The following SUSD5 variants were observed in gnomAD, a reference collection of about 807,000 sequenced individuals.
The protein encoded by SUSD5 is sushi domain containing 5.
In SUSD5, 33 loss-of-function variants were observed where a neutral mutation model predicts 29.5. The observed-to-expected ratio is 1.12, with a 90% CI of 0.85 to 1.49. SUSD5 has a LOEUF of 1.49. Ranked by LOEUF, SUSD5 falls within the 40% of genes most tolerant of loss-of-function variation. SUSD5 has a pLI of 0.00. For synonymous variants in SUSD5, 308 were observed against 325.3 expected, an observed-to-expected ratio of 0.95 and a Z score of 0.57; for missense variants, 776 against 800.6, an observed-to-expected ratio of 0.97 and a Z score of 0.37.
chr3:33,207,523 G>A (rs986450863), intron 3 of SUSD5, among the ~76,000 whole-genome samples: 1 of 152,158 alleles, frequency 6.6e-6, no homozygotes, highest in Non-Finnish European at 1.5e-5. Context: ...GAAAAACTGT[G>A]GTTACATACA....
intron 3 of SUSD5, among the ~76,000 whole-genome samples, chr3:33,176,408 G>GT (rs1418176855): frequency 6.6e-6 from 1 of 152,164 alleles, no homozygotes; most frequent in Non-Finnish European, 1.5e-5. Context: ...GTTTAGTTTT[G>GT]TAAGAACTGC....
intron 3 of SUSD5, among the ~76,000 whole-genome samples, chr3:33,194,859 CCTTTTTT>C (rs999383848): frequency 2.0e-5 from 3 of 152,126 alleles, no homozygotes; most frequent in East Asian, 1.9e-4. Flanking sequence ...TAATCACTTT[CCTTTTTT>C]CTTTTTTCTT....
At chr3:33,207,387 C>T (rs1305869624) in intron 3 of SUSD5, among the ~76,000 whole-genome samples, 2 of 152,162 alleles carry the variant, frequency 1.3e-5, no homozygotes, top group Non-Finnish European at 2.9e-5. Context: ...ACTCAGGCTA[C>T]TGGAACCTTT....
chr3:33,158,906 AT>A (rs1434888916), intron 4 of SUSD5, among the ~76,000 whole-genome samples: 1 of 152,172 alleles, frequency 6.6e-6, no homozygotes, highest in African/African-American at 2.4e-5. Context: ...ACTAGGGAAT[AT>A]TTTTTGTTGC....
chr3:33,153,075 C>G lies in SUSD5; in HGVS notation c.1557G>C (p.Gln519His). The G allele has an allele frequency of 6.2e-7, 1 of 1,613,834 alleles. No homozygotes were observed. Among genetic ancestry groups the G allele is most frequent in the Non-Finnish European group, 8.5e-7 (1 of 1,179,844 alleles). Residue 519 changes from glutamine to histidine, a missense_variant, in exon 5 of 5, where the codon CAG becomes CAC. Transcript: ENST00000309558. ...CAGGAACAGTGGTTTCTACTGGAGG[C>G]TGGGTGGTTGCCATGATCGTTGAGG... is the stretch of plus-strand genomic sequence containing the variant. ...HIPSTIMATTQPPVETTVPEI... is the reference protein window; with the variant it reads ...HIPSTIMATTHPPVETTVPEI...
Position 33,150,270 on chromosome 3 carries a change from T to C in SUSD5, c.*2472A>G, listed in dbSNP as rs890495428. 25 of 152,162 alleles carry C rather than the reference T, an allele frequency of 1.6e-4. No homozygotes were observed. The highest frequency in any genetic ancestry group is 2.9e-4 in the Non-Finnish European group (20 of 68,022). The allele number at this position is 152,162 out of a possible 1,614,324, so 9.4% of individuals were successfully genotyped here. ...AGAACTTAAAAACTGATGTGTTGGG[T>C]TTATTTCACAGTCCATGTCTACAAA... On this transcript the variant is annotated 3_prime_UTR_variant, in exon 5 of 5. Transcript: ENST00000309558.
At chr3:33,155,182 C>T (rs1487666904) in intron 4 of SUSD5, among the ~76,000 whole-genome samples, 3 of 152,106 alleles carry the variant, frequency 2.0e-5, no homozygotes, top group Non-Finnish European at 4.4e-5. Context: ...CACATATGAC[C>T]TCCAAAGGGC....
intron 3 of SUSD5, among the ~76,000 whole-genome samples, chr3:33,196,011 G>A (rs915193602): frequency 2.0e-5 from 3 of 152,156 alleles, no homozygotes; most frequent in Non-Finnish European, 4.4e-5. Context: ...ACGAACATAT[G>A]CCTTTCCCAG....
chr3:33,210,384 C>A (rs2032301278), intron 2 of SUSD5, among the ~76,000 whole-genome samples: 1 of 152,232 alleles, frequency 6.6e-6, no homozygotes, highest in African/African-American at 2.4e-5. Flanking sequence ...TCCCCTCCTA[C>A]ACAGAAGGTG....
rs1201068098 is a variant in SUSD5 at position 33,174,974 on chromosome 3, GC to G, written c.509del (p.Gly170AlafsTer91). 9 of 1,613,902 alleles carry G rather than the reference GC, an allele frequency of 5.6e-6. No homozygotes were observed. The highest frequency in any genetic ancestry group is 6.8e-6 in the Non-Finnish European group (8 of 1,179,892). Reference protein sequence around the residue: ...GDELLYVCAPGHIMGHRETAF... With the variant: ...GDELLYVCAPXHIMGHRETAF... The stretch of plus-strand genomic sequence containing the variant: ...CGGTCTCCCGGTGGCCCATGATGTG[GC>G]CTGGGGCACACACGTACAGCAGTTC... On this transcript the variant is annotated frameshift_variant, in exon 4 of 5. Transcript: ENST00000309558. LOFTEE classifies it high-confidence loss of function.
intron 4 of SUSD5, among the ~76,000 whole-genome samples, chr3:33,172,537 A>C (rs2031458518): frequency 6.6e-6 from 1 of 152,188 alleles, no homozygotes; most frequent in South Asian, 2.1e-4. Context: ...TTGGACCAAC[A>C]GGAAGCTTGG....
intron 4 of SUSD5, among the ~76,000 whole-genome samples, chr3:33,168,802 A>C (rs775542594): frequency 2.0e-5 from 3 of 152,178 alleles, no homozygotes; most frequent in Non-Finnish European, 2.9e-5. Context: ...GGCATGTGCC[A>C]CCACACCTGG....
At chr3:33,217,764 T>C (rs748038699) in intron 1 of SUSD5, among the ~76,000 whole-genome samples, 4 of 152,092 alleles carry the variant, frequency 2.6e-5, no homozygotes, top group Non-Finnish European at 5.9e-5. Flanking sequence ...TTTTAAAATA[T>C]ACAACGCATC....
At chr3:33,212,768 G>A (rs2032345453) in intron 2 of SUSD5, among the ~76,000 whole-genome samples, 1 of 152,186 alleles carries the variant, frequency 6.6e-6, no homozygotes, top group Admixed American at 6.5e-5. Flanking sequence ...CTACAAAAGT[G>A]AGTGTCCCCA....
At chr3:33,201,640 G>A (rs896024400) in intron 3 of SUSD5, among the ~76,000 whole-genome samples, 3 of 152,238 alleles carry the variant, frequency 2.0e-5, no homozygotes, top group Admixed American at 6.5e-5. Context: ...TGTGTGGGTG[G>A]CAGGTGAGGG....
At chr3:33,186,647 G>C (rs1008795916) in intron 3 of SUSD5, among the ~76,000 whole-genome samples, 6 of 152,052 alleles carry the variant, frequency 3.9e-5, no homozygotes, top group African/African-American at 1.4e-4. Flanking sequence ...GGATGGTCTT[G>C]ATCTCTTGAC....
intron 1 of SUSD5, among the ~76,000 whole-genome samples, chr3:33,217,296 T>C (rs2032441829): frequency 1.3e-5 from 2 of 152,190 alleles, no homozygotes; most frequent in African/African-American, 2.4e-5. Context: ...TCAATGTCAG[T>C]CAAAAAACAC....
intron 3 of SUSD5, among the ~76,000 whole-genome samples, chr3:33,177,449 T>C (rs1213390406): frequency 6.6e-5 from 10 of 152,246 alleles, no homozygotes; most frequent in African/African-American, 2.4e-4. Flanking sequence ...TTGTTAGATT[T>C]ATACCTAAGA....
chr3:33,186,000 CCTTTAGT>C (rs2031768787), intron 3 of SUSD5, among the ~76,000 whole-genome samples: 1 of 152,116 alleles, frequency 6.6e-6, no homozygotes, highest in South Asian at 2.1e-4. Context: ...AGGTTGTTTT[CCTTTAGT>C]CTTTAGGCAG....
Sources: allele counts gnomAD v4.1 joint callset (sites outside exome capture counted in the v4.1 genomes callset), GRCh38; gene constraint gnomAD v4.1.1; transcripts MANE v1.5; gene names NCBI Gene and HGNC (gene_info 2026-07-23, HGNC 2026-07-21).